The following EPHA6 variants were observed in gnomAD, a reference collection of about 807,000 sequenced individuals.
The protein encoded by EPHA6 is ephrin type-A receptor 6.
Under a neutral mutation model 112.0 loss-of-function variants are expected in EPHA6, and 50 were observed. The observed-to-expected ratio is 0.45, with a 90% CI of 0.36 to 0.56. The LOEUF (loss-of-function observed/expected upper bound fraction) is 0.56. Ranked by LOEUF, EPHA6 falls within the 20% of genes least tolerant of loss-of-function variation. The pLI is 0.00. For missense variants in EPHA6, 1,280 were observed against 1,417.4 expected (o/e 0.90, Z 1.56); for synonymous variants, 529 against 490.7 (o/e 1.08, Z -1.03).
chr3:96,874,718 C>T (rs1416557436), intron 2 of EPHA6, among the ~76,000 whole-genome samples: 3 of 152,090 alleles, frequency 2.0e-5, no homozygotes, highest in African/African-American at 7.2e-5. Flanking sequence ...TGTCACCTCT[C>T]ATGGGGATTT....
chr3:96,860,541 A>G (rs1321584462), intron 1 of EPHA6, among the ~76,000 whole-genome samples: 2 of 152,102 alleles, frequency 1.3e-5, no homozygotes, highest in African/African-American at 4.8e-5. Flanking sequence ...AAGTTTCATA[A>G]TATTCTTCAA....
chr3:96,861,230 C>G (rs1205908103), intron 1 of EPHA6, among the ~76,000 whole-genome samples: 2 of 152,022 alleles, frequency 1.3e-5, no homozygotes, highest in African/African-American at 4.8e-5. Flanking sequence ...ATATTTTAAT[C>G]AACTATTAAC....
chr3:97,027,612 G>A (rs1431071984), intron 3 of EPHA6, among the ~76,000 whole-genome samples: 2 of 152,142 alleles, frequency 1.3e-5, no homozygotes, highest in African/African-American at 4.8e-5. Context: ...GAATTGGCAT[G>A]AATAGACATT....
At position 97,679,081 on chromosome 3, in the gene EPHA6, CT is replaced by C. The variant is rs2031645704; in HGVS notation, c.2784+41001del. ...TGTTATATTAGTCAAAATAATTCTGCTTGTTTATTATTTATTAGTGATTCTT... is the reference window on the plus strand; with the variant it reads ...TGTTATATTAGTCAAAATAATTCTGCTGTTTATTATTTATTAGTGATTCTT... On this transcript the variant is annotated intron_variant, in intron 14 of 17. Transcript: ENST00000389672. 3.3e-5 allele frequency among the ~76,000 whole-genome samples: 5 copies of C among 152,122 alleles called. No individual in the cohort carries two copies. The Middle Eastern group carries it at 0.017, about 517-fold the overall frequency.
chr3:96,889,818 G>A (rs1018982288), intron 2 of EPHA6, among the ~76,000 whole-genome samples: 1 of 152,100 alleles, frequency 6.6e-6, no homozygotes. Flanking sequence ...TACAATATTG[G>A]TGCAGGGATA....
At chr3:96,978,480 A>G (rs554648709) in intron 2 of EPHA6, among the ~76,000 whole-genome samples, 8 of 152,286 alleles carry the variant, frequency 5.3e-5, no homozygotes, top group South Asian at 2.1e-4. Context: ...GGCAAATTCC[A>G]TAGGCTTTTA....
intron 3 of EPHA6, among the ~76,000 whole-genome samples, chr3:97,199,082 C>T (rs376566501): frequency 2.0e-5 from 3 of 152,118 alleles, no homozygotes; most frequent in Non-Finnish European, 4.4e-5. Flanking sequence ...TTGGCACAGG[C>T]ATATATGAGA....
intron 3 of EPHA6, among the ~76,000 whole-genome samples, chr3:97,164,765 A>G (rs1036520497): frequency 6.6e-6 from 1 of 152,032 alleles, no homozygotes; most frequent in Non-Finnish European, 1.5e-5. Flanking sequence ...TCTCTTCGCA[A>G]CCAATTAATT....
chr3:97,597,098 TG>T (rs1329950413), intron 12 of EPHA6, among the ~76,000 whole-genome samples: 4 of 151,760 alleles, frequency 2.6e-5, no homozygotes, highest in Non-Finnish European at 5.9e-5. Flanking sequence ...ATGTGGGACT[TG>T]GAAATAGACA....
intron 11 of EPHA6, among the ~76,000 whole-genome samples, chr3:97,554,773 G>T (rs1463903612): frequency 6.6e-6 from 1 of 151,932 alleles, no homozygotes; most frequent in African/African-American, 2.4e-5. Flanking sequence ...GCTGGGAAAT[G>T]TAGTCTGTAT....
chr3:97,070,618 A>C (rs2046321482), intron 3 of EPHA6, among the ~76,000 whole-genome samples: 1 of 152,114 alleles, frequency 6.6e-6, no homozygotes, highest in African/African-American at 2.4e-5. Flanking sequence ...TTCTTTTTAC[A>C]ATTTGTAAAT....
chr3:96,851,338 T>G (rs2035372173), intron 1 of EPHA6, among the ~76,000 whole-genome samples: 1 of 152,138 alleles, frequency 6.6e-6, no homozygotes, highest in Admixed American at 6.6e-5. Flanking sequence ...AGTTTCCAAT[T>G]AGAAGCAAAA....
intron 3 of EPHA6, among the ~76,000 whole-genome samples, chr3:97,153,644 TA>T (rs2076220796): frequency 6.6e-6 from 1 of 152,248 alleles, no homozygotes; most frequent in Non-Finnish European, 1.5e-5. Flanking sequence ...TTTTTTTCCT[TA>T]AAACTTCTGG....
chr3:97,533,273 A>C (rs1408972930), intron 11 of EPHA6, among the ~76,000 whole-genome samples: 1 of 152,070 alleles, frequency 6.6e-6, no homozygotes, highest in African/African-American at 2.4e-5. Context: ...AAATAACTTC[A>C]ATCCTTGAAA....
intron 9 of EPHA6, among the ~76,000 whole-genome samples, chr3:97,480,935 G>A (rs1482594639): frequency 2.6e-5 from 4 of 151,554 alleles, no homozygotes; most frequent in South Asian, 2.1e-4. Context: ...GGGCAAAGAC[G>A]CTCCTCACTT....
intron 3 of EPHA6, among the ~76,000 whole-genome samples, chr3:97,174,031 T>G (rs577658682): frequency 4.0e-5 from 6 of 151,510 alleles, no homozygotes; most frequent in Non-Finnish European, 8.9e-5. Context: ...TCCCCCCCAG[T>G]CCCCCACTAC....
intron 14 of EPHA6, among the ~76,000 whole-genome samples, chr3:97,710,188 C>T (rs1413516270): frequency 6.6e-6 from 1 of 152,202 alleles, no homozygotes; most frequent in African/African-American, 2.4e-5. Flanking sequence ...GAGTGATGTT[C>T]TTCAGTCTTT....
intron 3 of EPHA6, among the ~76,000 whole-genome samples, chr3:97,032,816 A>G (rs1488925921): frequency 6.6e-6 from 1 of 151,984 alleles, no homozygotes; most frequent in Non-Finnish European, 1.5e-5. Flanking sequence ...GCCTAGCGAT[A>G]AAAGGCAAAA....
At chr3:97,526,447 G>T (rs1446009808) in intron 10 of EPHA6, among the ~76,000 whole-genome samples, 1 of 149,206 alleles carries the variant, frequency 6.7e-6, no homozygotes, top group African/African-American at 2.5e-5. Flanking sequence ...TAAATCTGCT[G>T]TGGAACTGAT....
Sources: gnomAD v4.1 joint callset for allele counts (sites outside exome capture counted in the v4.1 genomes callset) on GRCh38, gnomAD v4.1.1 for gene constraint, MANE v1.5 for transcripts, NCBI Gene and HGNC (gene_info 2026-07-23, HGNC 2026-07-21) for gene names.